The following MMRN1 variants were observed in gnomAD, a reference collection of about 807,000 sequenced individuals.
MMRN1 encodes multimerin 1, also known as multimerin-1.
MMRN1 carries 94 observed loss-of-function variants against 100.7 expected under a neutral mutation model. The observed-to-expected ratio is 0.93, with a 90% CI of 0.79 to 1.11. The LOEUF (loss-of-function observed/expected upper bound fraction) is 1.11, where lower values mean the gene tolerates loss of function less well. MMRN1 is among the 50% of genes least tolerant of loss of function. The probability of loss-of-function intolerance (pLI) is 0.00; values close to 1 mark genes in which losing one functional copy is unlikely to be tolerated. For synonymous variants in MMRN1, 575 were observed against 505.0 expected (o/e 1.14, Z -1.86); for missense variants, 1,606 against 1,439.1 (o/e 1.12, Z -1.88).
intron 4 of MMRN1, among the ~76,000 whole-genome samples, chr4:89,925,410 A>T (rs1418692539): frequency 1.4e-5 from 2 of 146,946 alleles, no homozygotes; most frequent in Admixed American, 1.4e-4. Flanking sequence ...AGCCTCCCAA[A>T]GTGCTGGGAC....
At chr4:89,892,927 C>G (rs1422583466), upstream of MMRN1, among the ~76,000 whole-genome samples, 2 of 151,986 alleles carry the variant, frequency 1.3e-5, no homozygotes, top group East Asian at 1.9e-4. Flanking sequence ...ATCTTCAAGA[C>G]AGTCCATTCA....
chr4:89,937,963 T>C (rs140996603), intron 6 of MMRN1, among the ~76,000 whole-genome samples: 15 of 152,232 alleles, frequency 9.9e-5, no homozygotes, highest in East Asian at 5.8e-4. Flanking sequence ...GAATAATCTT[T>C]TCTAAATATG....
In MMRN1 at chr4:89,953,065, A is replaced by T. The variant is rs767462856; in HGVS notation, c.3334A>T (p.Thr1112Ser). 1 of 1,613,836 alleles carries T rather than the reference A, an allele frequency of 6.2e-7. No homozygotes were observed. The highest frequency in any genetic ancestry group is 1.1e-5 in the South Asian group (1 of 91,064). The change falls in exon 8 of 8, where the codon ACT (threonine) becomes TCT (serine). Residue 1112 changes from threonine (T) to serine (S), a missense_variant. Coordinates refer to ENST00000264790, the MANE Select transcript of MMRN1 (RefSeq NM_007351.3). ...TTTTGCATCTCATACGTATGGAATGACTATACCTGGTCCTATCCTGTTTAA... is the reference window on the plus strand; with the variant it reads ...TTTTGCATCTCATACGTATGGAATGTCTATACCTGGTCCTATCCTGTTTAA... ...AFFASHTYGM[T>S]IPGPILFNNL...
upstream of MMRN1, among the ~76,000 whole-genome samples, chr4:89,891,987 T>C (rs1360434884): frequency 6.6e-6 from 1 of 151,998 alleles, no homozygotes; most frequent in Non-Finnish European, 1.5e-5. Flanking sequence ...TAAGATTCTC[T>C]TTTAACTCAC....
At chr4:89,918,406 G>T (rs2110607909) in intron 3 of MMRN1, among the ~76,000 whole-genome samples, 1 of 151,918 alleles carries the variant, frequency 6.6e-6, no homozygotes, top group East Asian at 1.9e-4. Context: ...ATATGAAAGT[G>T]AATTCATAGG....
At chr4:89,892,190 A>G (rs1721069521), upstream of MMRN1, among the ~76,000 whole-genome samples, 1 of 151,834 alleles carries the variant, frequency 6.6e-6, no homozygotes. Context: ...ATCTCCTGAT[A>G]ACTCATAATA....
chr4:89,909,631 T>C (rs1030217396), intron 2 of MMRN1, among the ~76,000 whole-genome samples: 2 of 151,532 alleles, frequency 1.3e-5, no homozygotes, highest in Admixed American at 1.3e-4. Context: ...TTGTGCCTTA[T>C]AAGCATTCAA....
chr4:89,895,311 AATCTT>A lies in MMRN1; in HGVS notation c.342_346del (p.Leu115ProfsTer6). 6.2e-7 allele frequency: 1 copy of A among 1,613,436 alleles called. No individual in the cohort carries two copies. Among genetic ancestry groups the A allele is most frequent in the Non-Finnish European group, 8.5e-7 (1 of 1,179,910 alleles). ...AGCAGAAGGAGTGGTCAAGTTACAG[AATCTT>A]ACCCTCCCAACCAACGCTAGCATCA... On this transcript the variant is annotated frameshift_variant, in exon 1 of 8. Coordinates refer to ENST00000264790, the MANE Select transcript of MMRN1 (RefSeq NM_007351.3). LOFTEE classifies it high-confidence loss of function.
intron 1 of MMRN1, among the ~76,000 whole-genome samples, chr4:89,907,686 C>T (rs1721611753): frequency 6.6e-6 from 1 of 151,146 alleles, no homozygotes; most frequent in African/African-American, 2.4e-5. Flanking sequence ...ATTGGTCTTC[C>T]TTTCTAAAGT....
At chr4:89,885,887 A>AT (rs1426376793) in intron 1 of MMRN1, among the ~76,000 whole-genome samples, 4 of 151,968 alleles carry the variant, frequency 2.6e-5, no homozygotes, top group African/African-American at 4.8e-5. Context: ...TGTTTCATTA[A>AT]TTTCTGCTAT....
chr4:89,940,120 C>T (rs1008880480), intron 6 of MMRN1, among the ~76,000 whole-genome samples: 2 of 151,972 alleles, frequency 1.3e-5, no homozygotes, highest in African/African-American at 4.8e-5. Context: ...TAATAGACAC[C>T]AAGAGGTTTT....
At chr4:89,913,844 C>CCT (rs912702775) in intron 3 of MMRN1, among the ~76,000 whole-genome samples, 16 of 151,270 alleles carry the variant, frequency 1.1e-4, no homozygotes, top group African/African-American at 3.6e-4. Context: ...TATTGAAAGG[C>CCT]CTCTTTTCTA....
In MMRN1 at chr4:89,951,514, T is replaced by G. The variant is rs1201092036; in HGVS notation, c.3119-91T>G. 6.0e-6 allele frequency: 8 copies of G among 1,328,786 alleles called. No homozygotes were observed. The East Asian group carries it at 1.4e-4, about 24-fold the overall frequency. 82.3% of individuals were successfully genotyped at this position (1,328,786 alleles called of 1,614,324 possible). ...CATTTTTCTTACTTAAAATTCAGTC[T>G]TTTTCCTATTCTGCTGCAAACTACG... On this transcript the variant is annotated intron_variant, in intron 6 of 7. Transcript: ENST00000264790.
At position 89,911,900 on chromosome 4, in the gene MMRN1, G is replaced by A. The variant is rs201829592; in HGVS notation, c.744-44G>A. The A allele has an allele frequency of 5.0e-4, 657 of 1,311,534 alleles. 8 individuals are homozygous for A. In the African/African-American group the frequency reaches 8.2e-3, roughly 16 times the overall value. The allele number at this position is 1,311,534 out of a possible 1,614,324, so 81.2% of individuals were successfully genotyped here. On this transcript the variant is annotated intron_variant, in intron 2 of 7. Coordinates refer to ENST00000264790, the MANE Select transcript of MMRN1 (RefSeq NM_007351.3). Reference sequence around the variant, plus strand: ...TTATTATTCCGGCTGATAATTTAATGTGAAACAAATAATCGATTTCCCTCC... The same window carrying A: ...TTATTATTCCGGCTGATAATTTAATATGAAACAAATAATCGATTTCCCTCC...
At chr4:89,895,664 C>T (rs1721184033) in intron 1 of MMRN1, 70 bp downstream of exon 1, 1 of 1,469,940 alleles carries the variant, frequency 6.8e-7, no homozygotes, top group Admixed American at 2.7e-5. Flanking sequence ...GTGAAATTTA[C>T]CTCACTCCCA....
intron 1 of MMRN1, among the ~76,000 whole-genome samples, chr4:89,904,039 A>T (rs1445602538): frequency 1.3e-5 from 2 of 151,706 alleles, no homozygotes; most frequent in South Asian, 2.1e-4. Context: ...CTGATCTACG[A>T]GGTGAAAAAA....
chr4:89,890,249 T>TA (rs1491371516), upstream of MMRN1, among the ~76,000 whole-genome samples: 1 of 143,198 alleles, frequency 7.0e-6, no homozygotes, highest in Non-Finnish European at 1.5e-5. Context: ...TTTTTTTTTT[T>TA]CCCCTGTGCT....
chr4:89,889,855 AC>A (rs1721012676), upstream of MMRN1, among the ~76,000 whole-genome samples: 2 of 152,078 alleles, frequency 1.3e-5, no homozygotes, highest in African/African-American at 4.8e-5. Context: ...CATTTTTAAA[AC>A]AATCTCTAGT....
At position 89,923,166 on chromosome 4, in the gene MMRN1, A is replaced by G. The variant is rs200640234; in HGVS notation, c.851-2A>G. On this transcript the variant is annotated splice_acceptor_variant, in intron 3 of 7. Coordinates refer to ENST00000264790, the MANE Select transcript of MMRN1 (RefSeq NM_007351.3). LOFTEE classifies it high-confidence loss of function. Reference sequence around the variant, plus strand: ...CTCTCTTCTCTTTCTGCTTCCTTCTAGCCCAGGAACAGCAAAGTTTGATAC... The same window carrying G: ...CTCTCTTCTCTTTCTGCTTCCTTCTGGCCCAGGAACAGCAAAGTTTGATAC... The G allele has an allele frequency of 1.5e-4, 238 of 1,612,910 alleles. No individual in the cohort carries two copies. Among genetic ancestry groups the G allele is most frequent in the Non-Finnish European group, 2.8e-5 (33 of 1,179,136 alleles).
Sources: gnomAD v4.1 joint callset for allele counts (sites outside exome capture counted in the v4.1 genomes callset) on GRCh38, gnomAD v4.1.1 for gene constraint, MANE v1.5 for transcripts, NCBI Gene and HGNC (gene_info 2026-07-23, HGNC 2026-07-21) for gene names.